Variants in MGAT4C observed in about 807,000 individuals in gnomAD.
The protein encoded by MGAT4C is alpha-1,3-mannosyl-glycoprotein 4-beta-N-acetylglucosaminyltransferase C.
A neutral mutation model predicts 40.1 loss-of-function variants in MGAT4C; 19 were observed. The ratio of observed to expected loss-of-function variants is 0.47; its 90% CI spans 0.33 to 0.70. The LOEUF (loss-of-function observed/expected upper bound fraction) is 0.70, where lower values mean the gene tolerates loss of function less well. MGAT4C is among the 30% of genes least tolerant of loss of function. The pLI, the probability that MGAT4C is intolerant of heterozygous loss-of-function variation, is 0.02. For synonymous variants in MGAT4C, 181 were observed against 187.1 expected, an observed-to-expected ratio of 0.97 and a Z score of 0.27; for missense variants, 491 against 563.2, an observed-to-expected ratio of 0.87 and a Z score of 1.30.
intron 2 of MGAT4C, among the ~76,000 whole-genome samples, chr12:86,612,902 G>A (rs746047187): frequency 4.6e-5 from 7 of 152,098 alleles, no homozygotes; most frequent in Non-Finnish European, 7.4e-5. Context: ...CAAAACTGCT[G>A]CAATTAATGT....
intron 1 of MGAT4C, among the ~76,000 whole-genome samples, chr12:86,193,509 G>A (rs1889749940): frequency 6.6e-6 from 1 of 151,728 alleles, no homozygotes; most frequent in Admixed American, 6.6e-5. Context: ...GTTTTCAGTT[G>A]CAATTATTTT....
rs187338256 is a variant in MGAT4C at position 86,211,556 on chromosome 12, C to T, written c.-57+44683G>A. 1.0e-3 allele frequency among the ~76,000 whole-genome samples: 158 copies of T among 151,582 alleles called. No individual in the cohort carries two copies. In the East Asian group the frequency reaches 0.022, roughly 21 times the overall value. On this transcript the variant is annotated intron_variant, in intron 1 of 4. Transcript: ENST00000611864. ...GAGCTGAGATTGCTCCACTGTGCTG[C>T]GGGCTGGGTGACAGAGGGAGACTCC...
At chr12:86,276,488 T>A (rs1415279557) in intron 4 of MGAT4C, among the ~76,000 whole-genome samples, 1 of 152,198 alleles carries the variant, frequency 6.6e-6, no homozygotes, top group Non-Finnish European at 1.5e-5. Flanking sequence ...GTCTCCCTGT[T>A]GTGGTATCAA....
At chr12:86,686,155 A>G (rs1415179821) in intron 2 of MGAT4C, among the ~76,000 whole-genome samples, 1 of 151,948 alleles carries the variant, frequency 6.6e-6, no homozygotes, top group Non-Finnish European at 1.5e-5. Flanking sequence ...CTGGGATTAC[A>G]GGGGTGAGCC....
intron 2 of MGAT4C, among the ~76,000 whole-genome samples, chr12:86,705,016 C>T (rs1001270504): frequency 5.3e-5 from 8 of 151,940 alleles, no homozygotes; most frequent in African/African-American, 7.3e-5. Flanking sequence ...GCATGTTATC[C>T]GGGCCCCACC....
chr12:86,461,527 G>A (rs1457243677), intron 2 of MGAT4C, among the ~76,000 whole-genome samples: 2 of 152,110 alleles, frequency 1.3e-5, no homozygotes, highest in Non-Finnish European at 2.9e-5. Flanking sequence ...TTACAGGCGT[G>A]AGCCACTGCG....
chr12:85,970,207 A>G lies in MGAT4C; in HGVS notation c.*9082T>C, dbSNP rs976606388. The G allele has an allele frequency of 6.6e-6, 1 of 151,292 alleles. No homozygotes were observed. Among genetic ancestry groups the G allele is most frequent in the African/African-American group, 2.4e-5 (1 of 41,374 alleles). The allele number at this position is 151,292 out of a possible 1,614,324, so 9.4% of individuals were successfully genotyped here. On this transcript the variant is annotated 3_prime_UTR_variant, in exon 5 of 5. Transcript: ENST00000611864. ...TGAATATCTTTGCTAAGTCACAGGC[A>G]TTGATTAAATTAGATAAAATTGTCA...
chr12:86,759,594 A>G (rs886139624), intron 1 of MGAT4C, among the ~76,000 whole-genome samples: 1 of 151,986 alleles, frequency 6.6e-6, no homozygotes, highest in Non-Finnish European at 1.5e-5. Context: ...GAGTAAGGTT[A>G]TATCTCATTT....
At chr12:86,223,296 G>A (rs1431533391) in intron 1 of MGAT4C, among the ~76,000 whole-genome samples, 1 of 152,164 alleles carries the variant, frequency 6.6e-6, no homozygotes, top group Non-Finnish European at 1.5e-5. Context: ...CCTCCCTAGT[G>A]GCAAGTCCAC....
intron 3 of MGAT4C, among the ~76,000 whole-genome samples, chr12:86,379,979 C>A (rs1420465654): frequency 6.6e-6 from 1 of 151,982 alleles, no homozygotes; most frequent in Admixed American, 6.6e-5. Context: ...GCTAATAAAG[C>A]CAAGCATTAT....
At chr12:86,403,139 A>G (rs1471994619) in intron 3 of MGAT4C, among the ~76,000 whole-genome samples, 1 of 152,164 alleles carries the variant, frequency 6.6e-6, no homozygotes. Context: ...TGGCATCTTT[A>G]TTTAAAACAG....
intron 3 of MGAT4C, 88 bp from the exon 4 acceptor site, chr12:85,983,758 C>T (rs769373948): frequency 1.4e-4 from 152 of 1,081,500 alleles, no homozygotes; most frequent in Non-Finnish European, 1.5e-4. Flanking sequence ...AATAAATGTA[C>T]GACTACAATA....
chr12:86,786,073 C>T (rs1951926717), intron 1 of MGAT4C, among the ~76,000 whole-genome samples: 1 of 151,976 alleles, frequency 6.6e-6, no homozygotes, highest in African/African-American at 2.4e-5. Flanking sequence ...AACTTTCACT[C>T]CTGCTATATG....
intron 1 of MGAT4C, among the ~76,000 whole-genome samples, chr12:86,152,387 T>C (rs779551672): frequency 1.3e-5 from 2 of 152,166 alleles, no homozygotes; most frequent in Admixed American, 1.3e-4. Flanking sequence ...ATGCTGTGTC[T>C]CACATAGCAG....
intron 1 of MGAT4C, among the ~76,000 whole-genome samples, chr12:86,164,029 T>C (rs1885906447): frequency 6.6e-6 from 1 of 152,176 alleles, no homozygotes; most frequent in South Asian, 2.1e-4. Context: ...TGGTTTTAAA[T>C]GATAGTTAGA....
chr12:86,340,818 T>C (rs1482829876), intron 3 of MGAT4C, among the ~76,000 whole-genome samples: 1 of 152,170 alleles, frequency 6.6e-6, no homozygotes, highest in East Asian at 1.9e-4. Context: ...GTGTGTACAC[T>C]GGAGAGACAT....
intron 2 of MGAT4C, among the ~76,000 whole-genome samples, chr12:85,991,748 TAG>T (rs986102739): frequency 2.6e-5 from 4 of 152,094 alleles, no homozygotes; most frequent in African/African-American, 9.7e-5. Flanking sequence ...TCCCAGCTCT[TAG>T]AGGGGCAGAG....
At chr12:86,211,554 T>A (rs1950470340) in intron 1 of MGAT4C, among the ~76,000 whole-genome samples, 1 of 151,574 alleles carries the variant, frequency 6.6e-6, no homozygotes, top group African/African-American at 2.4e-5. Flanking sequence ...TCCACTGTGC[T>A]GCGGGCTGGG....
intron 1 of MGAT4C, among the ~76,000 whole-genome samples, chr12:86,783,092 T>C (rs1951871495): frequency 6.6e-6 from 1 of 152,196 alleles, no homozygotes; most frequent in Non-Finnish European, 1.5e-5. Context: ...AGAAAAATGA[T>C]AATATATTCA....
Sources: allele counts gnomAD v4.1 joint callset (sites outside exome capture counted in the v4.1 genomes callset), GRCh38; gene constraint gnomAD v4.1.1; transcripts MANE v1.5; gene names NCBI Gene and HGNC (gene_info 2026-07-23, HGNC 2026-07-21).